Variants in OPCML observed in about 807,000 individuals in gnomAD.
OPCML encodes the protein opioid binding protein/cell adhesion molecule like, also known as opioid-binding protein/cell adhesion molecule.
Under a neutral mutation model 37.8 loss-of-function variants are expected in OPCML, and 13 were observed. The ratio of observed to expected loss-of-function variants is 0.34; its 90% CI spans 0.22 to 0.55. OPCML has a LOEUF of 0.55. OPCML is among the 20% of genes least tolerant of loss of function. The pLI is 0.91. For missense variants in OPCML, 341 were observed against 435.6 expected (o/e 0.78, Z 1.93); for synonymous variants, 176 against 168.8 (o/e 1.04, Z -0.33).
chr11:132,878,082 C>T (rs773155217), intron 2 of OPCML, among the ~76,000 whole-genome samples: 39 of 151,702 alleles, frequency 2.6e-4, no homozygotes, highest in Non-Finnish European at 3.4e-4. Context: ...CTCAGGAGGC[C>T]GAGGTAGGAG....
chr11:133,260,531 T>C (rs1233697663), intron 1 of OPCML, among the ~76,000 whole-genome samples: 4 of 151,680 alleles, frequency 2.6e-5, no homozygotes, highest in Non-Finnish European at 5.9e-5. Context: ...GAATGTGGGG[T>C]ATGGGAGTGG....
At position 133,167,618 on chromosome 11, in the gene OPCML, T is replaced by C. The variant is rs560771198; in HGVS notation, c.62-224608A>G. ...TATCAGGGTTTTCCCAAATTTCACC[T>C]TGAGTGCCCTGGCTACCTCTTTCTG... is the stretch of plus-strand genomic sequence containing the variant. On this transcript the variant is annotated intron_variant, in intron 1 of 7. Coordinates refer to ENST00000524381, the MANE Select transcript of OPCML (RefSeq NM_001012393.5). Among the ~76,000 whole-genome samples the C allele has an allele frequency of 2.0e-5, 3 of 152,190 alleles. No homozygotes were observed. The South Asian group carries it at 6.2e-4, about 32-fold the overall frequency.
intron 1 of OPCML, among the ~76,000 whole-genome samples, chr11:133,475,542 A>G (rs2137014906): frequency 6.6e-6 from 1 of 152,324 alleles, no homozygotes; most frequent in East Asian, 1.9e-4. Flanking sequence ...CACAAAGGAA[A>G]AGGAAGGATT....
chr11:133,258,033 G>T (rs562079860), intron 1 of OPCML, among the ~76,000 whole-genome samples: 1 of 152,232 alleles, frequency 6.6e-6, no homozygotes, highest in East Asian at 1.9e-4. Context: ...CAGCTGCTGA[G>T]AATTTCAGGT....
chr11:132,774,626 C>A (rs1303802391), intron 2 of OPCML, among the ~76,000 whole-genome samples: 2 of 152,254 alleles, frequency 1.3e-5, no homozygotes, highest in East Asian at 3.9e-4. Context: ...ATTTTAGCTG[C>A]CTGAAGGTTT....
intron 1 of OPCML, among the ~76,000 whole-genome samples, chr11:133,488,242 T>C (rs1947574367): frequency 1.3e-5 from 2 of 152,070 alleles, no homozygotes; most frequent in East Asian, 1.9e-4. Context: ...CTATTCTCCA[T>C]AGTACTGGAA....
chr11:133,096,315 G>T (rs1338578140), intron 1 of OPCML, among the ~76,000 whole-genome samples: 2 of 151,960 alleles, frequency 1.3e-5, no homozygotes, highest in African/African-American at 4.8e-5. Flanking sequence ...AATTAGTTGT[G>T]AATGTATAGT....
chr11:132,673,439 A>G (rs1047831277), intron 2 of OPCML, among the ~76,000 whole-genome samples: 1 of 152,122 alleles, frequency 6.6e-6, no homozygotes, highest in African/African-American at 2.4e-5. Flanking sequence ...ACCAAGTGAG[A>G]GGACTATTTT....
chr11:132,594,713 C>T (rs1053574208), intron 3 of OPCML, among the ~76,000 whole-genome samples: 3 of 152,032 alleles, frequency 2.0e-5, no homozygotes, highest in South Asian at 2.1e-4. Context: ...GGTGAATATC[C>T]GATTATATCA....
intron 4 of OPCML, among the ~76,000 whole-genome samples, chr11:132,509,187 G>A (rs917839926): frequency 2.0e-5 from 3 of 152,172 alleles, no homozygotes; most frequent in African/African-American, 7.2e-5. Context: ...GTGGAACTTT[G>A]AAGTTGAGAG....
At chr11:133,455,069 T>G (rs1360114819) in intron 1 of OPCML, among the ~76,000 whole-genome samples, 1 of 152,190 alleles carries the variant, frequency 6.6e-6, no homozygotes, top group Non-Finnish European at 1.5e-5. Context: ...TACACAACCC[T>G]AAACCCAAAG....
intron 4 of OPCML, among the ~76,000 whole-genome samples, chr11:132,473,152 T>C (rs975327879): frequency 1.3e-5 from 2 of 152,178 alleles, no homozygotes; most frequent in South Asian, 2.1e-4. Context: ...AAACAGCAAA[T>C]GCCAAGTGAA....
At chr11:132,891,804 C>T (rs1448223826) in intron 2 of OPCML, among the ~76,000 whole-genome samples, 1 of 152,222 alleles carries the variant, frequency 6.6e-6, no homozygotes, top group Non-Finnish European at 1.5e-5. Flanking sequence ...GGTAAATCAG[C>T]TGCATGAAAG....
At chr11:133,081,814 G>C (rs921262192) in intron 1 of OPCML, among the ~76,000 whole-genome samples, 1 of 152,106 alleles carries the variant, frequency 6.6e-6, no homozygotes, top group African/African-American at 2.4e-5. Flanking sequence ...TCGAATGGCA[G>C]GTGAAGCGCT....
intron 1 of OPCML, among the ~76,000 whole-genome samples, chr11:133,106,983 A>T (rs1317530418): frequency 1.3e-5 from 2 of 152,144 alleles, no homozygotes; most frequent in Non-Finnish European, 2.9e-5. Context: ...GCTACTTTCA[A>T]CTCAGTAGGT....
intron 3 of OPCML, 82 bp from the exon 4 acceptor site, chr11:132,529,268 T>C (rs2096317237): frequency 2.7e-6 from 4 of 1,479,294 alleles, no homozygotes; most frequent in East Asian, 2.4e-5. Flanking sequence ...AATTTTTGTA[T>C]AGCATGTTTT....
intron 1 of OPCML, among the ~76,000 whole-genome samples, chr11:133,055,804 A>G (rs891723697): frequency 4.1e-4 from 62 of 151,086 alleles, no homozygotes; most frequent in African/African-American, 1.4e-3. Context: ...TGCTGCCTCC[A>G]TGATACTTCC....
At chr11:133,187,785 C>T (rs1938151919) in intron 1 of OPCML, among the ~76,000 whole-genome samples, 1 of 152,180 alleles carries the variant, frequency 6.6e-6, no homozygotes, top group Non-Finnish European at 1.5e-5. Flanking sequence ...CTATCATATC[C>T]TTTATTTCAT....
At chr11:132,436,870 A>G in intron 5 of OPCML, 91 bp from the exon 6 acceptor site, 3 of 1,524,596 alleles carry the variant, frequency 2.0e-6, no homozygotes, top group Non-Finnish European at 2.6e-6. Flanking sequence ...ACATCCAGCC[A>G]TTTGCTATGT....
Sources: gnomAD v4.1 joint callset for allele counts (sites outside exome capture counted in the v4.1 genomes callset) on GRCh38, gnomAD v4.1.1 for gene constraint, MANE v1.5 for transcripts, NCBI Gene and HGNC (gene_info 2026-07-23, HGNC 2026-07-21) for gene names.